Variants in TLL1 observed in about 807,000 individuals in gnomAD.
TLL1 encodes tolloid like 1, also known as tolloid-like protein 1.
In TLL1, 49 loss-of-function variants were observed where a neutral mutation model predicts 128.2. The ratio of observed to expected loss-of-function variants is 0.38; its 90% CI spans 0.30 to 0.48. TLL1 has a LOEUF of 0.48. Ranked by LOEUF, TLL1 falls within the 20% of genes least tolerant of loss-of-function variation. The pLI, the probability that TLL1 is intolerant of heterozygous loss-of-function variation, is 0.96. For synonymous variants in TLL1, 454 were observed against 418.8 expected (o/e 1.08, Z -1.03); for missense variants, 1,123 against 1,242.0 (o/e 0.90, Z 1.44).
chr4:166,076,378 T>C (rs1741025993), intron 17 of TLL1, among the ~76,000 whole-genome samples: 1 of 152,134 alleles, frequency 6.6e-6, no homozygotes, highest in South Asian at 2.1e-4. Flanking sequence ...TGGCCCAGGT[T>C]TTTATTTTTT....
At chr4:165,998,867 C>T (rs897301174) in intron 5 of TLL1, among the ~76,000 whole-genome samples, 1 of 151,772 alleles carries the variant, frequency 6.6e-6, no homozygotes, top group Non-Finnish European at 1.5e-5. Flanking sequence ...ACTTAACATA[C>T]TAAGTTTTGG....
rs151248737 is a variant in TLL1, at chr4:165,985,500, C to T, written c.170-3881C>T. 3.0e-3 allele frequency among the ~76,000 whole-genome samples: 459 copies of T among 152,044 alleles called. 3 individuals carry two copies. Among genetic ancestry groups the T allele is most frequent in the Middle Eastern group, 0.014 (4 of 292 alleles). ...TTTTGACAATCTACTGTGGACTTGT[C>T]CCAGAAAAATACATGGTGTTTGTGT... On this transcript the variant is annotated intron_variant, in intron 1 of 20. Coordinates refer to ENST00000061240, the MANE Select transcript of TLL1 (RefSeq NM_012464.5).
At chr4:165,908,871 G>T (rs940430476) in intron 1 of TLL1, among the ~76,000 whole-genome samples, 1 of 152,092 alleles carries the variant, frequency 6.6e-6, no homozygotes, top group Non-Finnish European at 1.5e-5. Context: ...TGAAGGTAGA[G>T]CCAACTGGAT....
At chr4:166,047,989 C>A (rs1354772256) in intron 12 of TLL1, among the ~76,000 whole-genome samples, 4 of 152,070 alleles carry the variant, frequency 2.6e-5, no homozygotes, top group Middle Eastern at 6.8e-3. Context: ...GTAATCTCAG[C>A]ACTTTGGGAG....
intron 18 of TLL1, among the ~76,000 whole-genome samples, chr4:166,088,379 C>T (rs924578110): frequency 6.6e-6 from 1 of 151,982 alleles, no homozygotes; most frequent in Non-Finnish European, 1.5e-5. Context: ...TTTTCCTTTC[C>T]GAAGAGTTCC....
chr4:165,886,822 A>AG (rs746547850), intron 1 of TLL1, among the ~76,000 whole-genome samples: 1 of 152,048 alleles, frequency 6.6e-6, no homozygotes, highest in Non-Finnish European at 1.5e-5. Flanking sequence ...GTGGATATGG[A>AG]GGGCTGACTG....
chr4:166,099,550 AC>A lies in TLL1; in HGVS notation c.2907+26del, dbSNP rs753875732. On this transcript the variant is annotated intron_variant, in intron 20 of 20. Transcript: ENST00000061240. ...GGGGTAAATATACCACCAACAGAAT[AC>A]CCTAGACATGATTAAAGATGCCTAT... 1.9e-6 allele frequency: 3 copies of A among 1,611,986 alleles called. No individual in the cohort carries two copies. The East Asian group carries it at 6.7e-5, about 36-fold the overall frequency.
chr4:165,887,266 A>G (rs568634912), intron 1 of TLL1, among the ~76,000 whole-genome samples: 1 of 151,930 alleles, frequency 6.6e-6, no homozygotes, highest in South Asian at 2.1e-4. Flanking sequence ...GTAATGAGAA[A>G]GTGGGAGGAG....
intron 4 of TLL1, among the ~76,000 whole-genome samples, chr4:165,994,854 TAG>T (rs1736794585): frequency 6.6e-6 from 1 of 152,140 alleles, no homozygotes; most frequent in Admixed American, 6.5e-5. Flanking sequence ...CACATATTTG[TAG>T]AGATAGTGAG....
chr4:165,896,483 T>TC (rs1647887231), intron 1 of TLL1, among the ~76,000 whole-genome samples: 1 of 147,460 alleles, frequency 6.8e-6, no homozygotes, highest in Non-Finnish European at 1.5e-5. Context: ...GTATTTCTTT[T>TC]TTTTTTTTTT....
chr4:166,043,354 G>C lies in TLL1; in HGVS notation c.1459G>C (p.Glu487Gln), dbSNP rs778879841. ...TCCTGATGACTATCGCCCGATGAAA[G>C]AATGTGTGTGGAAAATAACAGTGTC... ...NYPDDYRPMKECVWKITVSES... is the reference protein window; with the variant it reads ...NYPDDYRPMKQCVWKITVSES... Residue 487 changes from glutamate (E) to glutamine (Q), a missense_variant, in exon 12 of 21, where the codon GAA becomes CAA. By Grantham distance (29) the Glu-to-Gln change is conservative. Around this residue, in one of 3 missense-constraint regions of TLL1, gnomAD observed 634 missense variants for 672.4 expected, o/e 0.94. Coordinates refer to ENST00000061240, the MANE Select transcript of TLL1 (RefSeq NM_012464.5). The C allele has an allele frequency of 6.2e-7, 1 of 1,614,140 alleles. No homozygotes were observed. The highest frequency in any genetic ancestry group is 1.1e-5 in the South Asian group (1 of 91,088).
At chr4:166,051,737 T>G (rs1393897322) in intron 12 of TLL1, among the ~76,000 whole-genome samples, 1 of 152,214 alleles carries the variant, frequency 6.6e-6, no homozygotes, top group African/African-American at 2.4e-5. Flanking sequence ...GAATTGTTGT[T>G]GTAAAGATAT....
intron 1 of TLL1, among the ~76,000 whole-genome samples, chr4:165,967,072 T>G (rs1735420173): frequency 6.6e-6 from 1 of 152,168 alleles, no homozygotes; most frequent in Non-Finnish European, 1.5e-5. Flanking sequence ...AGGAATGCAT[T>G]CTTTTTCTCA....
chr4:166,014,142 A>G (rs1367805429), intron 7 of TLL1, among the ~76,000 whole-genome samples: 1 of 151,908 alleles, frequency 6.6e-6, no homozygotes, highest in Non-Finnish European at 1.5e-5. Flanking sequence ...ACCAAAACAA[A>G]TGTCATGGTG....
intron 6 of TLL1, among the ~76,000 whole-genome samples, chr4:166,005,129 C>A (rs1333750325): frequency 1.3e-5 from 2 of 151,850 alleles, no homozygotes; most frequent in Non-Finnish European, 2.9e-5. Context: ...TTTTAGACAA[C>A]AAGATGAATG....
At chr4:166,006,493 CAT>C (rs773742394) in intron 6 of TLL1, among the ~76,000 whole-genome samples, 11 of 151,650 alleles carry the variant, frequency 7.3e-5, no homozygotes, top group Non-Finnish European at 1.3e-4. Context: ...AATCTGGTCC[CAT>C]ATTAAGTTCT....
rs148389474 is a variant in TLL1, at chr4:165,939,494, G to A, written c.170-49887G>A. ...AATAGATCTGAATAGGGTAAAATCT[G>A]GGCATACAGACATTTTTTTCAACAG... On this transcript the variant is annotated intron_variant, in intron 1 of 20. Coordinates refer to ENST00000061240, the MANE Select transcript of TLL1 (RefSeq NM_012464.5). Among the ~76,000 whole-genome samples the A allele has an allele frequency of 3.7e-3, 565 of 151,994 alleles. 2 individuals carry two copies. Among genetic ancestry groups the A allele is most frequent in the African/African-American group, 0.013 (532 of 41,508 alleles).
chr4:166,007,991 T>C lies in TLL1; in HGVS notation c.860T>C (p.Leu287Pro). Residue 287 changes from leucine to proline, a missense_variant, in exon 7 of 21, where the codon CTT (leucine) becomes CCT (proline). Leu to Pro is a moderately conservative substitution (Grantham distance 98, BLOSUM62 -3). This residue lies in a region of TLL1 where 480 missense variants were observed against 542.4 expected (regional missense o/e 0.89). Transcript: ENST00000061240. ...ATGGAGCCTGGAGAAGTAAACTCACTTGGAGAAAGATATGATTTCGACAGT... is the reference window on the plus strand; with the variant it reads ...ATGGAGCCTGGAGAAGTAAACTCACCTGGAGAAAGATATGATTTCGACAGT... ...LKMEPGEVNS[L>P]GERYDFDSIM... 1.9e-6 allele frequency: 3 copies of C among 1,609,996 alleles called. No homozygotes were observed. Among genetic ancestry groups the C allele is most frequent in the Non-Finnish European group, 2.5e-6 (3 of 1,176,958 alleles).
chr4:165,941,170 A>G (rs905882052), intron 1 of TLL1, among the ~76,000 whole-genome samples: 2 of 152,000 alleles, frequency 1.3e-5, no homozygotes, highest in African/African-American at 4.8e-5. Context: ...TTGTTTGTTT[A>G]TGACTCGCGC....
Sources: allele counts gnomAD v4.1 joint callset (sites outside exome capture counted in the v4.1 genomes callset), GRCh38; gene constraint gnomAD v4.1.1; regional missense constraint gnomAD v4.1.1; transcripts MANE v1.5; gene names NCBI Gene and HGNC (gene_info 2026-07-23, HGNC 2026-07-21).